The following CPNE4 variants were observed in gnomAD, a reference collection of about 807,000 sequenced individuals.
CPNE4 encodes copine-4.
In CPNE4, 25 loss-of-function variants were observed where a neutral mutation model predicts 67.9. That is an observed-to-expected ratio of 0.37 (90% CI 0.27 to 0.51). The LOEUF (loss-of-function observed/expected upper bound fraction) is 0.51, where lower values mean the gene tolerates loss of function less well. Ranked by LOEUF, CPNE4 falls within the 20% of genes least tolerant of loss-of-function variation. CPNE4 has a pLI of 0.93. For missense variants in CPNE4, 464 were observed against 690.8 expected (o/e 0.67, Z 3.68); for synonymous variants, 242 against 244.9 (o/e 0.99, Z 0.11).
At chr3:131,631,813 T>A (rs1464091648) in intron 7 of CPNE4, among the ~76,000 whole-genome samples, 7 of 151,688 alleles carry the variant, frequency 4.6e-5, no homozygotes. Flanking sequence ...GGAAGGAGAT[T>A]TTAGATTTTT....
intron 11 of CPNE4, 80 bp from the exon 12 acceptor site, chr3:131,555,631 C>T: frequency 8.2e-7 from 1 of 1,223,878 alleles, no homozygotes; most frequent in Non-Finnish European, 1.2e-6. Flanking sequence ...CATTAACCTA[C>T]ATTACTAGGT....
chr3:131,806,225 G>T (rs769798427), intron 2 of CPNE4, among the ~76,000 whole-genome samples: 58 of 152,150 alleles, frequency 3.8e-4, no homozygotes, highest in Admixed American at 6.5e-4. Flanking sequence ...TTTAAAATAT[G>T]AACTTTGCCT....
intron 7 of CPNE4, among the ~76,000 whole-genome samples, chr3:131,597,686 T>A (rs1384511102): frequency 1.3e-5 from 2 of 152,232 alleles, no homozygotes; most frequent in Non-Finnish European, 2.9e-5. Flanking sequence ...ATGTCACAAC[T>A]TATCATTTTT....
chr3:131,780,949 C>G (rs146158397), intron 2 of CPNE4, among the ~76,000 whole-genome samples: 1 of 152,002 alleles, frequency 6.6e-6, no homozygotes, highest in Non-Finnish European at 1.5e-5. Context: ...GCTTGAGGTC[C>G]GTGTGGCTGG....
At chr3:132,030,538 G>A (rs1044380420) in intron 1 of CPNE4, among the ~76,000 whole-genome samples, 16 of 152,206 alleles carry the variant, frequency 1.1e-4, no homozygotes, top group African/African-American at 3.6e-4. Flanking sequence ...TAAAATAATA[G>A]GACTGGAATA....
At chr3:132,038,621 C>A (rs542202286), upstream of CPNE4, among the ~76,000 whole-genome samples, 14 of 152,222 alleles carry the variant, frequency 9.2e-5, no homozygotes, top group African/African-American at 3.4e-4. Context: ...TCCCTCTGAG[C>A]CTCAGTTTTC....
chr3:131,854,238 C>A (rs1270337421), intron 2 of CPNE4, among the ~76,000 whole-genome samples: 1 of 151,726 alleles, frequency 6.6e-6, no homozygotes, highest in Non-Finnish European at 1.5e-5. Context: ...AGATAAATCT[C>A]TAAAACATAA....
chr3:131,671,123 A>G (rs2080402494), intron 6 of CPNE4, among the ~76,000 whole-genome samples: 1 of 152,196 alleles, frequency 6.6e-6, no homozygotes, highest in Admixed American at 6.5e-5. Flanking sequence ...CTATCCAAAT[A>G]ACATAATTCT....
chr3:132,008,723 G>A (rs997970419), intron 1 of CPNE4, among the ~76,000 whole-genome samples: 1 of 151,692 alleles, frequency 6.6e-6, no homozygotes, highest in African/African-American at 2.4e-5. Flanking sequence ...ATTTTTTCCT[G>A]GTGGTTTTAT....
At chr3:131,710,111 AG>A (rs760713542) in intron 3 of CPNE4, among the ~76,000 whole-genome samples, 48 of 152,244 alleles carry the variant, frequency 3.2e-4, no homozygotes, top group Non-Finnish European at 5.9e-4. Context: ...AAGTGGATAA[AG>A]AATCCATATA....
chr3:131,699,484 C>T (rs949790185), intron 4 of CPNE4, among the ~76,000 whole-genome samples: 9 of 152,064 alleles, frequency 5.9e-5, no homozygotes, highest in African/African-American at 1.7e-4. Flanking sequence ...ACAAACCAAA[C>T]CTTGAAGTAA....
intron 1 of CPNE4, among the ~76,000 whole-genome samples, chr3:132,021,690 CA>C (rs5852674): frequency 0.24 from 36,670 of 152,064 alleles, 4,629 homozygotes; most frequent in East Asian, 0.39. Context: ...TCTCATTTGA[CA>C]ATGACCTTTT....
At chr3:131,961,940 C>G (rs1224794293) in intron 1 of CPNE4, among the ~76,000 whole-genome samples, 1 of 152,220 alleles carries the variant, frequency 6.6e-6, no homozygotes, top group African/African-American at 2.4e-5. Flanking sequence ...TACTTCCAAA[C>G]GTTTCTCAAC....
intron 2 of CPNE4, among the ~76,000 whole-genome samples, chr3:131,758,256 G>A (rs192363680): frequency 6.6e-6 from 1 of 152,306 alleles, no homozygotes; most frequent in African/African-American, 2.4e-5. Flanking sequence ...ACCCTGCAAA[G>A]CCACAGGGGA....
At chr3:131,574,601 T>C (rs528401587) in intron 10 of CPNE4, among the ~76,000 whole-genome samples, 1 of 152,268 alleles carries the variant, frequency 6.6e-6, no homozygotes, top group African/African-American at 2.4e-5. Flanking sequence ...CATTGCCTAA[T>C]GAACTGTTTG....
chr3:131,976,240 A>G (rs780508439), intron 1 of CPNE4, among the ~76,000 whole-genome samples: 9 of 152,030 alleles, frequency 5.9e-5, no homozygotes, highest in Non-Finnish European at 1.2e-4. Flanking sequence ...GCTAGGAGTG[A>G]GACTTACTTT....
intron 1 of CPNE4, among the ~76,000 whole-genome samples, chr3:131,987,477 C>T (rs2073082008): frequency 6.6e-6 from 1 of 151,428 alleles, no homozygotes. Context: ...ACCTCCGTCT[C>T]CCAGGTTCAA....
intron 1 of CPNE4, among the ~76,000 whole-genome samples, chr3:131,947,010 C>T (rs2071570397): frequency 6.6e-6 from 1 of 152,160 alleles, no homozygotes. Flanking sequence ...ATCAATTGGT[C>T]ATAGAAAGAT....
At chr3:131,598,052 G>A (rs978804328) in intron 7 of CPNE4, among the ~76,000 whole-genome samples, 2 of 152,212 alleles carry the variant, frequency 1.3e-5, no homozygotes, top group African/African-American at 4.8e-5. Context: ...GGAGGCAATT[G>A]AACTGAATAA....
Sources: gnomAD v4.1 joint callset for allele counts (sites outside exome capture counted in the v4.1 genomes callset) on GRCh38, gnomAD v4.1.1 for gene constraint, MANE v1.5 for transcripts, NCBI Gene and HGNC (gene_info 2026-07-23, HGNC 2026-07-21) for gene names.